The following HOXC13 variants were observed in gnomAD, a reference collection of about 807,000 sequenced individuals.
HOXC13 encodes homeobox protein Hox-C13.
Under a neutral mutation model 25.9 loss-of-function variants are expected in HOXC13, and 10 were observed. The ratio of observed to expected loss-of-function variants is 0.39; its 90% CI spans 0.24 to 0.65. The LOEUF (loss-of-function observed/expected upper bound fraction) is 0.65. Ranked by LOEUF, HOXC13 falls within the 30% of genes least tolerant of loss-of-function variation. The probability of loss-of-function intolerance (pLI) is 0.50; values close to 1 mark genes in which losing one functional copy is unlikely to be tolerated. For synonymous variants in HOXC13, 233 were observed against 217.1 expected (o/e 1.07, Z -0.64); for missense variants, 439 against 478.3 (o/e 0.92, Z 0.77).
chr12:53,939,237 C>G lies in HOXC13; in HGVS notation c.331C>G (p.Pro111Ala). The change falls in exon 1 of 2, where the codon CCC becomes GCC. Residue 111 changes from proline to alanine, a missense_variant. Physicochemically the swap from Pro to Ala is conservative, Grantham distance 27. Transcript: ENST00000243056. This position sits in a 1 kb window ranked among gnomAD's most constrained non-coding sequence, Gnocchi z 6.7. The part of the protein sequence containing the change: ...AARQCAPPPA[P>A]PTSSSATLGY... ...GCGCCAGTGTGCCCCGCCGCCCGCA[C>G]CCCCCACCTCGTCCAGCGCCACCCT... is the stretch of plus-strand genomic sequence containing the variant. 6.5e-7 allele frequency: 1 copy of G among 1,539,560 alleles called. No homozygotes were observed. The highest frequency in any genetic ancestry group is 1.2e-5 in the South Asian group (1 of 83,220).
At chr12:53,942,067 T>G (rs1221367835) in intron 1 of HOXC13, among the ~76,000 whole-genome samples, 3 of 150,744 alleles carry the variant, frequency 2.0e-5, no homozygotes, top group East Asian at 1.9e-4. Flanking sequence ...GGCCAAGATG[T>G]GTCGTGGCTT....
intron 1 of HOXC13, among the ~76,000 whole-genome samples, chr12:53,940,440 G>A (rs1195858142): frequency 6.6e-6 from 1 of 152,208 alleles, no homozygotes; most frequent in Non-Finnish European, 1.5e-5. Flanking sequence ...AAATGGGAGA[G>A]GAAGACCTGT....
rs1938560447 is a variant in HOXC13 at position 53,938,933 on chromosome 12, A to G, written c.27A>G (p.Pro9=). The change falls in exon 1 of 2, where the codon CCA becomes CCG. Residue 9 remains proline (P), a synonymous_variant. Transcript: ENST00000243056. ...TGACGACTTCGCTGCTCCTGCATCC[A>G]CGCTGGCCGGAGAGCCTTATGTACG... MTTSLLLH[P]RWPESLMYVY... is the part of the protein sequence containing the mutation. The G allele has an allele frequency of 8.3e-6, 13 of 1,559,950 alleles. No individual in the cohort carries two copies. The highest frequency in any genetic ancestry group is 1.0e-5 in the Non-Finnish European group (12 of 1,160,310).
Position 53,945,235 on chromosome 12 carries a change from G to A in HOXC13, c.972G>A (p.Ala324=), listed in dbSNP as rs1433240667. ...KEKKVVSKSK[A]PHLHST ...AGAAGGTGGTCAGCAAATCGAAAGC[G>A]CCTCATCTCCACTCCACCTGACCAC... The change falls in exon 2 of 2, where the codon GCG becomes GCA. Residue 324 remains alanine (A), a synonymous_variant. Coordinates refer to ENST00000243056, the MANE Select transcript of HOXC13 (RefSeq NM_017410.3). The surrounding 1 kb of genome is among the most constrained non-coding windows in gnomAD (Gnocchi z 4.4). 1 of 1,614,038 alleles carries A rather than the reference G, an allele frequency of 6.2e-7. No individual in the cohort carries two copies. Among genetic ancestry groups the A allele is most frequent in the Non-Finnish European group, 8.5e-7 (1 of 1,179,986 alleles).
Position 53,939,001 on chromosome 12 carries a change from G to A in HOXC13, c.95G>A (p.Gly32Asp). Residue 32 changes from glycine to aspartate, a missense_variant, in exon 1 of 2, where the codon GGC becomes GAC. Physicochemically the swap from Gly to Asp is moderately conservative, Grantham distance 94. Transcript: ENST00000243056. The surrounding 1 kb of genome is among the most constrained non-coding windows in gnomAD (Gnocchi z 6.7). ...GCGGAGAGCGGCATCGGCGGCGGCG[G>A]CGGAGGAGGAGGCGGCGGCACGGGC... ...SAAESGIGGGGGGGGGGTGGA... is the reference protein window; with the variant it reads ...SAAESGIGGGDGGGGGGTGGA... 6.7e-7 allele frequency: 1 copy of A among 1,500,208 alleles called. No homozygotes were observed. Among genetic ancestry groups the A allele is most frequent in the Non-Finnish European group, 8.8e-7 (1 of 1,131,088 alleles). 92.9% of individuals were successfully genotyped at this position (1,500,208 alleles called of 1,614,324 possible).
intron 1 of HOXC13, among the ~76,000 whole-genome samples, chr12:53,941,338 G>T (rs894090055): frequency 6.6e-6 from 1 of 152,246 alleles, no homozygotes; most frequent in Admixed American, 6.5e-5. Context: ...GGGCAGGGAA[G>T]CCAATGGGCT....
rs1938692262 is a variant in HOXC13 at position 53,946,291 on chromosome 12, T to G, written c.*1035T>G. 1 of 226,724 alleles carries G rather than the reference T, an allele frequency of 4.4e-6. No homozygotes were observed. The highest frequency in any genetic ancestry group is 8.8e-6 in the Non-Finnish European group (1 of 113,788). The allele number at this position is 226,724 out of a possible 1,614,324, so 14.0% of individuals were successfully genotyped here. ...CAAGAAGATCTGGCCCTCAATTAGC[T>G]AGATGTAGATGCTGCCTAACAGTTC... is the stretch of plus-strand genomic sequence containing the variant. On this transcript the variant is annotated 3_prime_UTR_variant, in exon 2 of 2. Coordinates refer to ENST00000243056, the MANE Select transcript of HOXC13 (RefSeq NM_017410.3).
At position 53,939,775 on chromosome 12, in the gene HOXC13, G is replaced by C. The variant is rs1480711462; in HGVS notation, c.736+133G>C. 3.5e-6 allele frequency: 4 copies of C among 1,135,720 alleles called. No homozygotes were observed. The highest frequency in any genetic ancestry group is 3.3e-6 in the Non-Finnish European group (3 of 903,146). The allele number at this position is 1,135,720 out of a possible 1,614,324, so 70.4% of individuals were successfully genotyped here. On this transcript the variant is annotated intron_variant, in intron 1 of 1. Coordinates refer to ENST00000243056, the MANE Select transcript of HOXC13 (RefSeq NM_017410.3). This position sits in a 1 kb window ranked among gnomAD's most constrained non-coding sequence, Gnocchi z 6.7. ...CTCGGCTGGGCTGCCTATGGAGCCGGCCGGGCGAGCTGCACTGAGGAATGC... is the reference window on the plus strand; with the variant it reads ...CTCGGCTGGGCTGCCTATGGAGCCGCCCGGGCGAGCTGCACTGAGGAATGC...
Position 53,939,176 on chromosome 12 carries a change from C to A in HOXC13, c.270C>A (p.Gly90=), listed in dbSNP as rs1938566191. 6.6e-7 allele frequency: 1 copy of A among 1,506,674 alleles called. No individual in the cohort carries two copies. The allele number at this position is 1,506,674 out of a possible 1,614,324, so 93.3% of individuals were successfully genotyped here. ...CGGCTCCCCTGGGCGCCCCTCAGGG[C>A]GCCGTCTATACGGACATCCCGGCCC... ...RPPAPLGAPQ[G]AVYTDIPAPE... The change falls in exon 1 of 2, where the codon GGC becomes GGA. Residue 90 remains glycine, a synonymous_variant. Transcript: ENST00000243056. This position sits in a 1 kb window ranked among gnomAD's most constrained non-coding sequence, Gnocchi z 6.7.
At position 53,945,023 on chromosome 12, in the gene HOXC13, G is replaced by A; in HGVS notation, c.760G>A (p.Val254Met). ...AGACGTGGTTCCCCTGCAGCCCGAG[G>A]TGAGCAGCTACCGGCGCGGGCGCAA... ...FPDVVPLQPEVSSYRRGRKKR... is the reference protein window; with the variant it reads ...FPDVVPLQPEMSSYRRGRKKR... The change falls in exon 2 of 2, where the codon GTG becomes ATG. Residue 254 changes from valine to methionine, a missense_variant. Transcript: ENST00000243056. The surrounding 1 kb of genome is among the most constrained non-coding windows in gnomAD (Gnocchi z 4.4). The A allele has an allele frequency of 5.0e-6, 8 of 1,613,966 alleles. No homozygotes were observed. The highest frequency in any genetic ancestry group is 6.8e-6 in the Non-Finnish European group (8 of 1,180,034).
rs1191487462 is a variant in HOXC13, at chr12:53,945,265, C to T, written c.*9C>T. The T allele has an allele frequency of 1.9e-6, 3 of 1,613,506 alleles. No homozygotes were observed. Among genetic ancestry groups the T allele is most frequent in the Non-Finnish European group, 8.5e-7 (1 of 1,179,688 alleles). ...ATCTCCACTCCACCTGACCACCCAC[C>T]CGCTGCTTGCCCCATCTATTTATGT... On this transcript the variant is annotated 3_prime_UTR_variant, in exon 2 of 2. Transcript: ENST00000243056. The surrounding 1 kb of genome is among the most constrained non-coding windows in gnomAD (Gnocchi z 4.4).
chr12:53,944,419 C>T (rs954574317), intron 1 of HOXC13, among the ~76,000 whole-genome samples: 1 of 152,154 alleles, frequency 6.6e-6, no homozygotes, highest in Non-Finnish European at 1.5e-5. Context: ...TGAAGCTGAC[C>T]CCCTGCCTGC....
intron 1 of HOXC13, among the ~76,000 whole-genome samples, chr12:53,942,120 G>GT (rs35142054): frequency 0.023 from 2,636 of 115,418 alleles, 126 homozygotes; most frequent in African/African-American, 0.09. Context: ...TATTGCTCTG[G>GT]TTTTTTTTTT....
Position 53,946,290 on chromosome 12 carries a change from C to A in HOXC13, c.*1034C>A, listed in dbSNP as rs868724314. The A allele has an allele frequency of 4.4e-6, 1 of 226,854 alleles. No individual in the cohort carries two copies. Among genetic ancestry groups the A allele is most frequent in the Middle Eastern group, 1.3e-3 (1 of 754 alleles). The allele number at this position is 226,854 out of a possible 1,614,324, so 14.1% of individuals were successfully genotyped here. Reference sequence around the variant, plus strand: ...GCAAGAAGATCTGGCCCTCAATTAGCTAGATGTAGATGCTGCCTAACAGTT... The same window carrying A: ...GCAAGAAGATCTGGCCCTCAATTAGATAGATGTAGATGCTGCCTAACAGTT... On this transcript the variant is annotated 3_prime_UTR_variant, in exon 2 of 2. Coordinates refer to ENST00000243056, the MANE Select transcript of HOXC13 (RefSeq NM_017410.3).
In HOXC13 at chr12:53,945,525, GCTGTCGAC is replaced by G; in HGVS notation, c.*272_*279del. The G allele has an allele frequency of 3.8e-6, 2 of 520,614 alleles. No individual in the cohort carries two copies. Among genetic ancestry groups the G allele is most frequent in the Non-Finnish European group, 6.9e-6 (2 of 287,950 alleles). The allele number at this position is 520,614 out of a possible 1,614,324, so 32.2% of individuals were successfully genotyped here. A position where few individuals can be genotyped will look rare whatever the true frequency, so the allele number is the denominator to read the frequency against. On this transcript the variant is annotated 3_prime_UTR_variant, in exon 2 of 2. Coordinates refer to ENST00000243056, the MANE Select transcript of HOXC13 (RefSeq NM_017410.3). This position sits in a 1 kb window ranked among gnomAD's most constrained non-coding sequence, Gnocchi z 4.4. ...GTCCCGAGTGGGCCGTGCGAGGAAG[GCTGTCGAC>G]CTCTACTCCTCCTTGCGCTCACCTT...
At chr12:53,940,374 A>C (rs1938590586) in intron 1 of HOXC13, among the ~76,000 whole-genome samples, 1 of 152,158 alleles carries the variant, frequency 6.6e-6, no homozygotes, top group Non-Finnish European at 1.5e-5. Context: ...TATGTGGTCG[A>C]GAAAGAGAGT....
At position 53,939,005 on chromosome 12, in the gene HOXC13, A is replaced by C. The variant is rs1423930465; in HGVS notation, c.99A>C (p.Gly33=). 4.7e-6 allele frequency: 7 copies of C among 1,495,214 alleles called. No individual in the cohort carries two copies. In the African/African-American group the frequency reaches 5.8e-5, roughly 12 times the overall value. 92.6% of individuals were successfully genotyped at this position (1,495,214 alleles called of 1,614,324 possible). A position where few individuals can be genotyped will look rare whatever the true frequency, so the allele number is the denominator to read the frequency against. Residue 33 remains glycine (G), a synonymous_variant, in exon 1 of 2, where the codon GGA becomes GGC. Transcript: ENST00000243056. This position sits in a 1 kb window ranked among gnomAD's most constrained non-coding sequence, Gnocchi z 6.7. ...AGAGCGGCATCGGCGGCGGCGGCGG[A>C]GGAGGAGGCGGCGGCACGGGCGGAG... ...AAESGIGGGG[G]GGGGGTGGAG...
At chr12:53,942,628 G>T (rs964500805) in intron 1 of HOXC13, among the ~76,000 whole-genome samples, 2 of 152,140 alleles carry the variant, frequency 1.3e-5, no homozygotes, top group Non-Finnish European at 2.9e-5. Context: ...CTCACTTTAG[G>T]CAGTGTACGC....
In HOXC13 at chr12:53,945,144, C is replaced by T. The variant is rs750338670; in HGVS notation, c.881C>T (p.Ser294Phe). 6.2e-7 allele frequency: 1 copy of T among 1,614,212 alleles called. No individual in the cohort carries two copies. The highest frequency in any genetic ancestry group is 8.5e-7 in the Non-Finnish European group (1 of 1,180,042). The change falls in exon 2 of 2, where the codon TCC (serine) becomes TTC (phenylalanine). Residue 294 changes from serine (S) to phenylalanine (F), a missense_variant. Coordinates refer to ENST00000243056, the MANE Select transcript of HOXC13 (RefSeq NM_017410.3). This position sits in a 1 kb window ranked among gnomAD's most constrained non-coding sequence, Gnocchi z 4.4. The stretch of plus-strand genomic sequence containing the variant: ...ACCAAAGAGAAGCGCCGGCGCATCT[C>T]CGCCACCACGAACCTCTCTGAGCGC... ...FITKEKRRRISATTNLSERQV... is the reference protein window; with the variant it reads ...FITKEKRRRIFATTNLSERQV...
Sources: gnomAD v4.1 joint callset for allele counts (sites outside exome capture counted in the v4.1 genomes callset) on GRCh38, gnomAD v4.1.1 for gene constraint, Gnocchi (gnomAD v3.1) non-coding constraint, MANE v1.5 for transcripts, NCBI Gene and HGNC (gene_info 2026-07-23, HGNC 2026-07-21) for gene names.